PDE1C: variants seen among roughly 807,000 people sequenced by gnomAD.
PDE1C encodes phosphodiesterase 1C.
Under a neutral mutation model 93.1 loss-of-function variants are expected in PDE1C, and 62 were observed. The ratio of observed to expected loss-of-function variants is 0.67; its 90% CI spans 0.54 to 0.82. The LOEUF is 0.82. Among genes scored for constraint, PDE1C ranks in the 40% least tolerant of loss-of-function variants. The probability of loss-of-function intolerance (pLI) is 0.00; values close to 1 mark genes in which losing one functional copy is unlikely to be tolerated. For missense variants in PDE1C, 742 were observed against 884.6 expected (o/e 0.84, Z 2.04); for synonymous variants, 325 against 310.1 (o/e 1.05, Z -0.50).
chr7:32,089,905 G>T (rs1225721851), intron 3 of PDE1C, among the ~76,000 whole-genome samples: 1 of 152,154 alleles, frequency 6.6e-6, no homozygotes. Context: ...TCTCCACAAG[G>T]AGTCAAGAGA....
chr7:32,019,723 G>C (rs1400210764), intron 2 of PDE1C, among the ~76,000 whole-genome samples: 2 of 152,010 alleles, frequency 1.3e-5, no homozygotes, highest in Admixed American at 1.3e-4. Context: ...ACAACTTTGT[G>C]ATTGACTGTA....
intron 2 of PDE1C, among the ~76,000 whole-genome samples, chr7:31,980,488 T>G (rs1812241495): frequency 6.6e-6 from 1 of 152,214 alleles, no homozygotes; most frequent in African/African-American, 2.4e-5. Flanking sequence ...TTGCTATTTT[T>G]TCCACATTTC....
the PDE1C span, among the ~76,000 whole-genome samples, chr7:31,648,135 T>C: frequency 1.3e-5 from 2 of 152,182 alleles, no homozygotes; most frequent in Non-Finnish European, 2.9e-5. Context: ...ATATTGTTTA[T>C]GATTTAGTTT....
chr7:31,985,850 T>C (rs1230055361), intron 2 of PDE1C, among the ~76,000 whole-genome samples: 1 of 152,176 alleles, frequency 6.6e-6, no homozygotes, highest in Admixed American at 6.5e-5. Flanking sequence ...TTCCAAGTCT[T>C]TGCTATTGTG....
intron 1 of PDE1C, among the ~76,000 whole-genome samples, chr7:32,210,399 G>A (rs1805934468): frequency 6.6e-6 from 1 of 152,182 alleles, no homozygotes; most frequent in Non-Finnish European, 1.5e-5. Context: ...CATTCTAGCT[G>A]AGAAAAAAGC....
rs1585016000 is a variant in PDE1C at position 32,241,823 on chromosome 7, G to A, written c.86-32284C>T. Among the ~76,000 whole-genome samples the A allele has an allele frequency of 1.3e-5, 2 of 152,244 alleles. 1 individual carries two copies. Among genetic ancestry groups the A allele is most frequent in the Middle Eastern group, 6.8e-3 (2 of 294 alleles). On this transcript the variant is annotated intron_variant, in intron 1 of 18. Transcript: ENST00000396193. ...TAGCCTCAGCCACCGCCTATCTGCT[G>A]TATCCACAGAGAGGAGATGGGTAGA... is the stretch of plus-strand genomic sequence containing the variant.
chr7:32,098,080 A>C (rs1797852604), intron 3 of PDE1C, among the ~76,000 whole-genome samples: 1 of 148,552 alleles, frequency 6.7e-6, no homozygotes, highest in Admixed American at 6.7e-5. Flanking sequence ...AATACAAAAA[A>C]TTAGCCGGGC....
chr7:32,167,787 G>A (rs1489685535), intron 3 of PDE1C, among the ~76,000 whole-genome samples: 4 of 152,128 alleles, frequency 2.6e-5, no homozygotes, highest in Admixed American at 6.6e-5. Flanking sequence ...AAAAGAGAAC[G>A]AAGTAATCAA....
intron 9 of PDE1C, among the ~76,000 whole-genome samples, chr7:31,841,759 G>C (rs915133016): frequency 1.6e-5 from 2 of 126,480 alleles, no homozygotes; most frequent in African/African-American, 5.7e-5. Context: ...GATAGAAAGA[G>C]ATTTATTATG....
At chr7:32,023,246 T>C (rs1788931322) in intron 2 of PDE1C, among the ~76,000 whole-genome samples, 2 of 152,136 alleles carry the variant, frequency 1.3e-5, no homozygotes, top group Non-Finnish European at 2.9e-5. Context: ...GTGAAGGCTT[T>C]AACATACAGC....
chr7:31,622,224 G>A, the PDE1C span, among the ~76,000 whole-genome samples: 1 of 146,126 alleles, frequency 6.8e-6, no homozygotes, highest in African/African-American at 2.5e-5. Flanking sequence ...AGGATACCCA[G>A]GAATTGACCT....
At chr7:32,092,637 G>A (rs960043182) in intron 3 of PDE1C, among the ~76,000 whole-genome samples, 4 of 152,214 alleles carry the variant, frequency 2.6e-5, no homozygotes, top group Non-Finnish European at 5.9e-5. Context: ...GATAGTCTAT[G>A]GGAGGTTAAA....
intron 2 of PDE1C, among the ~76,000 whole-genome samples, chr7:32,207,129 C>G (rs1477531047): frequency 6.6e-6 from 1 of 152,096 alleles, no homozygotes; most frequent in Admixed American, 6.5e-5. Context: ...CAGAGTCTCA[C>G]AGGACTAACT....
chr7:31,878,623 A>T (rs1796883362), intron 4 of PDE1C, among the ~76,000 whole-genome samples: 1 of 152,186 alleles, frequency 6.6e-6, no homozygotes, highest in African/African-American at 2.4e-5. Context: ...CAAACCACTG[A>T]AATGAACTGT....
intron 16 of PDE1C, among the ~76,000 whole-genome samples, chr7:31,793,709 A>C (rs1056451858): frequency 6.6e-6 from 1 of 151,366 alleles, no homozygotes; most frequent in African/African-American, 2.4e-5. Context: ...AGAAAACATT[A>C]AGAAAAAACA....
At chr7:32,146,386 G>C (rs1340791214) in intron 3 of PDE1C, among the ~76,000 whole-genome samples, 2 of 152,166 alleles carry the variant, frequency 1.3e-5, no homozygotes, top group Non-Finnish European at 2.9e-5. Flanking sequence ...GCCTCGCAGA[G>C]GAGGACCCAT....
Position 31,930,604 on chromosome 7 carries a change from G to T in PDE1C, c.129-49744C>A, listed in dbSNP as rs183873470. ...GCCTGTAATCCCAGCACCTTGGAAGGCCAAGGCAGGCGGATCACGAGGTCA... is the reference window on the plus strand; with the variant it reads ...GCCTGTAATCCCAGCACCTTGGAAGTCCAAGGCAGGCGGATCACGAGGTCA... On this transcript the variant is annotated intron_variant, in intron 2 of 17. Coordinates refer to ENST00000396191, the MANE Select transcript of PDE1C (RefSeq NM_001191057.4). 9.0e-3 allele frequency among the ~76,000 whole-genome samples: 1,362 copies of T among 152,170 alleles called. 22 individuals carry two copies. Among genetic ancestry groups the T allele is most frequent in the African/African-American group, 0.031 (1,276 of 41,512 alleles).
intron 3 of PDE1C, among the ~76,000 whole-genome samples, chr7:32,122,715 G>C (rs566045857): frequency 2.6e-4 from 40 of 152,258 alleles, no homozygotes; most frequent in African/African-American, 9.6e-4. Flanking sequence ...AGCTAAAGCA[G>C]GGTTAAGAGG....
chr7:31,787,017 A>C (rs1048879622), intron 16 of PDE1C: 1 of 152,128 alleles, frequency 6.6e-6, no homozygotes, highest in Non-Finnish European at 1.5e-5. Flanking sequence ...CCATGAGAGA[A>C]GTGATATTAA....
Sources: allele counts gnomAD v4.1 joint callset (sites outside exome capture counted in the v4.1 genomes callset), GRCh38; gene constraint gnomAD v4.1.1; transcripts MANE v1.5; gene names NCBI Gene and HGNC (gene_info 2026-07-23, HGNC 2026-07-21).